RCAN2: variants seen among roughly 807,000 people sequenced by gnomAD.
RCAN2 encodes calcipressin-2.
RCAN2 carries 9 observed loss-of-function variants against 23.6 expected under a neutral mutation model. The ratio of observed to expected loss-of-function variants is 0.38; its 90% CI spans 0.23 to 0.67. RCAN2 has a LOEUF of 0.67. Among genes scored for constraint, RCAN2 ranks in the 30% least tolerant of loss-of-function variants. RCAN2 has a pLI of 0.51. For missense variants in RCAN2, 273 were observed against 302.3 expected (o/e 0.90, Z 0.72); for synonymous variants, 109 against 115.7 (o/e 0.94, Z 0.37).
chr6:46,311,207 G>A (rs1320822155), intron 2 of RCAN2, among the ~76,000 whole-genome samples: 2 of 152,112 alleles, frequency 1.3e-5, no homozygotes, highest in Non-Finnish European at 2.9e-5. Flanking sequence ...AAAGTGAGTG[G>A]TCTGAAGACT....
chr6:46,286,693 G>A (rs1165883082), intron 2 of RCAN2, among the ~76,000 whole-genome samples: 3 of 152,282 alleles, frequency 2.0e-5, no homozygotes, highest in Admixed American at 2.0e-4. Context: ...GAACAGACAT[G>A]CCCAGGCAGT....
chr6:46,318,693 C>A lies in RCAN2; in HGVS notation c.226-69797G>T, dbSNP rs75623439. On this transcript the variant is annotated intron_variant, in intron 2 of 4. Transcript: ENST00000371374. ...GAATAGGTAGAGGATCCAGAAAAAA[C>A]CTTCTATGGTAACAGAAGGTTAAAA... Among the ~76,000 whole-genome samples the A allele has an allele frequency of 8.2e-3, 1,244 of 152,010 alleles. 17 individuals carry two copies. The highest frequency in any genetic ancestry group is 0.028 in the African/African-American group (1,180 of 41,446).
At chr6:46,255,254 G>T (rs1262214755) in intron 2 of RCAN2, among the ~76,000 whole-genome samples, 1 of 152,086 alleles carries the variant, frequency 6.6e-6, no homozygotes, top group Non-Finnish European at 1.5e-5. Flanking sequence ...AGGTGTGTGT[G>T]TGTGTATGTG....
chr6:46,418,234 AAACTCT>A (rs1032468616), intron 2 of RCAN2, among the ~76,000 whole-genome samples: 2 of 152,196 alleles, frequency 1.3e-5, no homozygotes, highest in Non-Finnish European at 2.9e-5. Context: ...AAACACTTTA[AAACTCT>A]AAAGCCATCA....
intron 2 of RCAN2, among the ~76,000 whole-genome samples, chr6:46,436,093 G>T (rs1374376504): frequency 6.6e-6 from 1 of 152,236 alleles, no homozygotes; most frequent in Non-Finnish European, 1.5e-5. Context: ...CTGGCTTACT[G>T]CTCCCCCATC....
intron 2 of RCAN2, among the ~76,000 whole-genome samples, chr6:46,446,242 C>T (rs1767702065): frequency 7.0e-6 from 1 of 141,876 alleles, no homozygotes; most frequent in African/African-American, 2.6e-5. Flanking sequence ...ATAAACCTTA[C>T]AGGGCAGAAG....
At chr6:46,390,424 G>A (rs1561886136) in intron 2 of RCAN2, among the ~76,000 whole-genome samples, 2 of 152,192 alleles carry the variant, frequency 1.3e-5, no homozygotes, top group Non-Finnish European at 2.9e-5. Context: ...ACCCAGGGCT[G>A]AGCCTTTCCA....
At chr6:46,389,443 C>T (rs761640541) in intron 2 of RCAN2, among the ~76,000 whole-genome samples, 4 of 152,190 alleles carry the variant, frequency 2.6e-5, no homozygotes, top group Non-Finnish European at 5.9e-5. Context: ...CTTCAAGGCA[C>T]TCTCAATCCT....
intron 2 of RCAN2, among the ~76,000 whole-genome samples, chr6:46,302,211 A>C (rs1762924809): frequency 1.3e-5 from 2 of 152,104 alleles, no homozygotes; most frequent in African/African-American, 2.4e-5. Flanking sequence ...TGGCCTGAGC[A>C]ACTGGGCGGG....
In RCAN2 at chr6:46,316,189, A is replaced by T. The variant is rs187861038; in HGVS notation, c.226-67293T>A. 5.3e-5 allele frequency among the ~76,000 whole-genome samples: 8 copies of T among 152,324 alleles called. No individual in the cohort carries two copies. The South Asian group carries it at 1.4e-3, about 28-fold the overall frequency. ...CCCTGGCAAGAAAACTTAGAATTCC[A>T]TGTACAAAGTCCACTACTACTGAGG... is the stretch of plus-strand genomic sequence containing the variant. On this transcript the variant is annotated intron_variant, in intron 2 of 4. Transcript: ENST00000371374.
intron 2 of RCAN2, among the ~76,000 whole-genome samples, chr6:46,269,544 T>C (rs1184046321): frequency 6.6e-6 from 1 of 152,244 alleles, no homozygotes; most frequent in Non-Finnish European, 1.5e-5. Flanking sequence ...TAGTTATGTA[T>C]CTTGCTGTTG....
intron 1 of RCAN2, among the ~76,000 whole-genome samples, chr6:46,486,433 G>C (rs918111329): frequency 6.6e-6 from 1 of 152,174 alleles, no homozygotes; most frequent in African/African-American, 2.4e-5. Context: ...CCAGGATTGA[G>C]ATCCAGGCTT....
At chr6:46,385,725 C>G (rs1004361815) in intron 2 of RCAN2, among the ~76,000 whole-genome samples, 1 of 151,658 alleles carries the variant, frequency 6.6e-6, no homozygotes, top group Non-Finnish European at 1.5e-5. Flanking sequence ...GGCATGGTGG[C>G]GCATGCCTAT....
At chr6:46,445,728 G>T (rs1359325768) in intron 2 of RCAN2, among the ~76,000 whole-genome samples, 1 of 152,042 alleles carries the variant, frequency 6.6e-6, no homozygotes. Context: ...ACGAGATGTT[G>T]AATTATTAAA....
chr6:46,224,989 G>T (rs1650422213), intron 4 of RCAN2, among the ~76,000 whole-genome samples: 1 of 149,598 alleles, frequency 6.7e-6, no homozygotes, highest in Admixed American at 6.7e-5. Context: ...GTGTCCAAGT[G>T]TTCTCATTGT....
At chr6:46,350,244 A>C (rs6901449) in intron 2 of RCAN2, among the ~76,000 whole-genome samples, 4,012 of 152,322 alleles carry the variant, frequency 0.026, 164 homozygotes, top group African/African-American at 0.087. Flanking sequence ...GACAGCTAGA[A>C]ATTGGAGTAA....
chr6:46,363,099 T>C (rs973946595), intron 2 of RCAN2, among the ~76,000 whole-genome samples: 1 of 152,156 alleles, frequency 6.6e-6, no homozygotes, highest in Non-Finnish European at 1.5e-5. Context: ...GAAAAAGAAA[T>C]CCAGAAGCAT....
At chr6:46,429,203 C>A (rs1451277024) in intron 2 of RCAN2, among the ~76,000 whole-genome samples, 1 of 152,152 alleles carries the variant, frequency 6.6e-6, no homozygotes, top group Non-Finnish European at 1.5e-5. Context: ...AAGCATCCCA[C>A]TTAATATAGG....
intron 2 of RCAN2, among the ~76,000 whole-genome samples, chr6:46,330,131 C>T (rs546964668): frequency 6.6e-6 from 1 of 152,098 alleles, no homozygotes; most frequent in East Asian, 1.9e-4. Flanking sequence ...TTCATGTATC[C>T]ACCACCCAGG....
Sources: gnomAD v4.1 joint callset for allele counts (sites outside exome capture counted in the v4.1 genomes callset) on GRCh38, gnomAD v4.1.1 for gene constraint, MANE v1.5 for transcripts, NCBI Gene and HGNC (gene_info 2026-07-23, HGNC 2026-07-21) for gene names.